Variants in CTNNA2 observed in about 807,000 individuals in gnomAD.
The protein encoded by CTNNA2 is catenin alpha 2.
CTNNA2 carries 42 observed loss-of-function variants against 101.0 expected under a neutral mutation model. The ratio of observed to expected loss-of-function variants is 0.42; its 90% CI spans 0.32 to 0.54. CTNNA2 has a LOEUF of 0.54. CTNNA2 is among the 20% of genes least tolerant of loss of function. The pLI is 0.14. For missense variants in CTNNA2, 871 were observed against 1,223.1 expected, an observed-to-expected ratio of 0.71 and a Z score of 4.29; for synonymous variants, 450 against 456.4, an observed-to-expected ratio of 0.99 and a Z score of 0.18.
intron 7 of CTNNA2, among the ~76,000 whole-genome samples, chr2:80,085,524 T>C (rs993413395): frequency 1.3e-5 from 2 of 152,086 alleles, no homozygotes; most frequent in African/African-American, 2.4e-5. Context: ...CCAATGGTGG[T>C]GCACAGTTAT....
chr2:80,179,220 G>A (rs1705599979), intron 7 of CTNNA2, among the ~76,000 whole-genome samples: 1 of 152,188 alleles, frequency 6.6e-6, no homozygotes, highest in African/African-American at 2.4e-5. Flanking sequence ...ACCACATCTG[G>A]TACAGCAGAT....
At chr2:80,454,407 G>C (rs891559372) in intron 9 of CTNNA2, among the ~76,000 whole-genome samples, 2 of 152,130 alleles carry the variant, frequency 1.3e-5, no homozygotes, top group Non-Finnish European at 2.9e-5. Context: ...TTAGCACTTC[G>C]CAAACTGCTC....
chr2:79,902,395 T>G (rs1685123144), intron 6 of CTNNA2, among the ~76,000 whole-genome samples: 1 of 152,276 alleles, frequency 6.6e-6, no homozygotes, highest in Admixed American at 6.5e-5. Context: ...GTTTTTTTGC[T>G]TTGCATTTCT....
chr2:79,449,184 C>T (rs969399217), intron 4 of CTNNA2, among the ~76,000 whole-genome samples: 5 of 151,910 alleles, frequency 3.3e-5, no homozygotes, highest in African/African-American at 1.2e-4. Context: ...GAGTATAAGG[C>T]AGGAGGACTT....
intron 2 of CTNNA2, 27 bp from the exon 3 acceptor site, chr2:79,744,360 T>C: frequency 6.4e-7 from 1 of 1,567,590 alleles, no homozygotes; most frequent in South Asian, 1.2e-5. Context: ...TGCAAAGAAG[T>C]TTTACAGTTT....
At chr2:80,241,451 G>C (rs1451528938) in intron 7 of CTNNA2, among the ~76,000 whole-genome samples, 2 of 151,558 alleles carry the variant, frequency 1.3e-5, no homozygotes, top group African/African-American at 4.9e-5. Flanking sequence ...TATAAATTAA[G>C]ATTCATCTGG....
chr2:80,613,960 A>T (rs969623201), intron 17 of CTNNA2, among the ~76,000 whole-genome samples: 28 of 151,464 alleles, frequency 1.8e-4, no homozygotes, highest in African/African-American at 6.8e-4. Context: ...GTCCCCTGAG[A>T]TATCAGTGCC....
intron 3 of CTNNA2, among the ~76,000 whole-genome samples, chr2:79,779,755 G>A (rs1029221068): frequency 3.9e-5 from 6 of 152,056 alleles, no homozygotes; most frequent in Admixed American, 2.0e-4. Flanking sequence ...ATTGCAGGAT[G>A]AGCTTGAAAG....
In CTNNA2 at chr2:79,890,819, A is replaced by G. The variant is rs547382690; in HGVS notation, c.852+16477A>G. Among the ~76,000 whole-genome samples, 257 of 141,630 alleles carry G rather than the reference A, an allele frequency of 1.8e-3. 1 individual carries two copies. The highest frequency in any genetic ancestry group is 4.2e-3 in the Admixed American group (54 of 12,886). The allele number at this position is 141,630 out of a possible 152,430, so 92.9% of individuals were successfully genotyped here. ...GGTTTTGGAGGCCAGGGAGTTCAGGATAGGTGTTGACAGACTCAGTTTCTT... is the reference window on the plus strand; with the variant it reads ...GGTTTTGGAGGCCAGGGAGTTCAGGGTAGGTGTTGACAGACTCAGTTTCTT... On this transcript the variant is annotated intron_variant, in intron 6 of 18. Coordinates refer to ENST00000402739, the MANE Select transcript of CTNNA2 (RefSeq NM_001282597.3).
upstream of CTNNA2, among the ~76,000 whole-genome samples, chr2:79,509,397 TA>T (rs777384817): frequency 6.6e-6 from 1 of 152,024 alleles, no homozygotes; most frequent in East Asian, 1.9e-4. Flanking sequence ...TAAGTTGTGG[TA>T]AATAGAGACA....
intron 4 of CTNNA2, chr2:79,498,209 T>C (rs1028953334): frequency 6.6e-6 from 1 of 152,206 alleles, no homozygotes; most frequent in African/African-American, 2.4e-5. Context: ...TTAGTTCCAC[T>C]GGTAGGATGG....
intron 7 of CTNNA2, among the ~76,000 whole-genome samples, chr2:80,191,721 C>A (rs1386729923): frequency 6.6e-6 from 1 of 152,134 alleles, no homozygotes; most frequent in Non-Finnish European, 1.5e-5. Context: ...CCTAATATAT[C>A]TCTGTAGGGA....
chr2:79,819,582 T>C (rs1677848240), intron 3 of CTNNA2, among the ~76,000 whole-genome samples: 1 of 152,116 alleles, frequency 6.6e-6, no homozygotes, highest in East Asian at 1.9e-4. Context: ...CTATAAGAAA[T>C]TCAAATGGTG....
chr2:79,513,974 T>G (rs1344807593), intron 1 of CTNNA2, among the ~76,000 whole-genome samples: 8 of 151,988 alleles, frequency 5.3e-5, no homozygotes, highest in Admixed American at 5.2e-4. Flanking sequence ...AGTGGAAGCT[T>G]GTGTTCTTTT....
At chr2:79,770,130 G>A (rs76994970) in intron 3 of CTNNA2, among the ~76,000 whole-genome samples, 3 of 152,128 alleles carry the variant, frequency 2.0e-5, no homozygotes, top group African/African-American at 7.2e-5. Context: ...TACCATCTAG[G>A]GGGTAGAAGT....
At chr2:79,678,883 A>G (rs1683370732) in intron 2 of CTNNA2, among the ~76,000 whole-genome samples, 1 of 152,178 alleles carries the variant, frequency 6.6e-6, no homozygotes. Flanking sequence ...TGTAAATGCA[A>G]TTTACAGCTC....
intron 1 of CTNNA2, among the ~76,000 whole-genome samples, chr2:79,554,598 G>A (rs1375542462): frequency 6.6e-6 from 1 of 152,036 alleles, no homozygotes; most frequent in African/African-American, 2.4e-5. Flanking sequence ...CAATGATTCT[G>A]GATCCAATGT....
intron 2 of CTNNA2, among the ~76,000 whole-genome samples, chr2:79,303,578 G>A (rs1676164866): frequency 6.6e-6 from 1 of 151,938 alleles, no homozygotes; most frequent in Non-Finnish European, 1.5e-5. Flanking sequence ...TATTTATGCT[G>A]TCAGATGTCT....
At chr2:80,468,906 C>T (rs1394810557) in intron 9 of CTNNA2, among the ~76,000 whole-genome samples, 1 of 152,090 alleles carries the variant, frequency 6.6e-6, no homozygotes, top group East Asian at 1.9e-4. Context: ...TTATTTTTTT[C>T]TGAGCCTTTT....
Sources: gnomAD v4.1 joint callset for allele counts (sites outside exome capture counted in the v4.1 genomes callset) on GRCh38, gnomAD v4.1.1 for gene constraint, MANE v1.5 for transcripts, NCBI Gene and HGNC (gene_info 2026-07-23, HGNC 2026-07-21) for gene names.